Variants in PAPPA observed in about 807,000 individuals in gnomAD.
PAPPA encodes pappalysin-1.
Under a neutral mutation model 164.0 loss-of-function variants are expected in PAPPA, and 60 were observed. That is an observed-to-expected ratio of 0.37 (90% CI 0.30 to 0.45). PAPPA has a LOEUF of 0.45. Ranked by LOEUF, PAPPA falls within the 20% of genes least tolerant of loss-of-function variation. PAPPA has a pLI of 1.00. For missense variants in PAPPA, 1,782 were observed against 2,087.3 expected, an observed-to-expected ratio of 0.85 and a Z score of 2.85; for synonymous variants, 875 against 814.1, an observed-to-expected ratio of 1.07 and a Z score of -1.27.
chr9:116,352,809 C>A lies in PAPPA; in HGVS notation c.4068C>A (p.Asp1356Glu), dbSNP rs1204564270. ...CTCCACCCCCTGTGCCCAATGCAGA[C>A]CTCCAGACCGCCCGGTGCCGAGAGA... Reference protein sequence around the residue: ...CLAPPPVPNADLQTARCRENK... With the variant: ...CLAPPPVPNAELQTARCRENK... The change falls in exon 16 of 22, where the codon GAC becomes GAA. Residue 1356 changes from aspartate (D) to glutamate (E), a missense_variant. Physicochemically the swap from Asp to Glu is conservative, Grantham distance 45. This residue lies in a region of PAPPA where 1,324 missense variants were observed against 1,656.9 expected (regional missense o/e 0.80). Coordinates refer to ENST00000328252, the MANE Select transcript of PAPPA (RefSeq NM_002581.5). The A allele has an allele frequency of 1.2e-6, 2 of 1,614,006 alleles. No individual in the cohort carries two copies. The highest frequency in any genetic ancestry group is 1.7e-6 in the Non-Finnish European group (2 of 1,179,946).
At chr9:116,264,911 G>A (rs1381226790) in intron 7 of PAPPA, among the ~76,000 whole-genome samples, 4 of 152,088 alleles carry the variant, frequency 2.6e-5, no homozygotes, top group Non-Finnish European at 4.4e-5. Context: ...CAGTAGCTGT[G>A]TTCATTTGGT....
chr9:116,200,247 CA>C (rs1186474315), intron 2 of PAPPA, among the ~76,000 whole-genome samples: 2 of 152,170 alleles, frequency 1.3e-5, no homozygotes, highest in East Asian at 3.8e-4. Flanking sequence ...AATATCAAAC[CA>C]AGGTTTATTC....
intron 21 of PAPPA, among the ~76,000 whole-genome samples, chr9:116,390,317 T>C (rs1056874764): frequency 6.6e-6 from 1 of 152,066 alleles, no homozygotes; most frequent in Admixed American, 6.5e-5. Flanking sequence ...GAAAAGGGTA[T>C]CTTTGGCGAG....
intron 10 of PAPPA, among the ~76,000 whole-genome samples, chr9:116,328,273 CAA>C (rs1845945243): frequency 6.6e-6 from 1 of 152,180 alleles, no homozygotes; most frequent in Admixed American, 6.5e-5. Flanking sequence ...ATAGTTTATG[CAA>C]AGTCTTGCGC....
chr9:116,264,281 T>C (rs1455705834), intron 7 of PAPPA, among the ~76,000 whole-genome samples: 1 of 152,198 alleles, frequency 6.6e-6, no homozygotes, highest in Non-Finnish European at 1.5e-5. Flanking sequence ...AAATTAGGAT[T>C]CGAGGTTTAC....
At chr9:116,249,000 C>CAAAGGCAT (rs367799408) in intron 7 of PAPPA, among the ~76,000 whole-genome samples, 3,786 of 152,246 alleles carry the variant, frequency 0.025, 58 homozygotes, top group Middle Eastern at 0.037. Flanking sequence ...ATCCTTAAAG[C>CAAAGGCAT]AAAGGCATTG....
chr9:116,257,681 G>T (rs183184685), intron 7 of PAPPA, among the ~76,000 whole-genome samples: 1 of 151,966 alleles, frequency 6.6e-6, no homozygotes, highest in Non-Finnish European at 1.5e-5. Context: ...CAGCCTGGGC[G>T]ACAGAGCGAG....
intron 7 of PAPPA, among the ~76,000 whole-genome samples, chr9:116,247,338 T>G (rs941608425): frequency 1.3e-5 from 2 of 152,324 alleles, no homozygotes; most frequent in East Asian, 3.9e-4. Flanking sequence ...TTCCTTTTAA[T>G]TGTGAGGCTC....
chr9:116,308,319 G>A (rs7046882), intron 10 of PAPPA, among the ~76,000 whole-genome samples: 14,660 of 152,242 alleles, frequency 0.096, 764 homozygotes, highest in South Asian at 0.15. Context: ...TCAGCCAGTA[G>A]TGATGAGAGC....
intron 7 of PAPPA, among the ~76,000 whole-genome samples, chr9:116,236,500 T>A (rs1844669334): frequency 6.6e-6 from 1 of 150,724 alleles, no homozygotes; most frequent in South Asian, 2.1e-4. Flanking sequence ...GGCAGGAGAA[T>A]CTCTTGAATC....
chr9:116,317,624 G>C (rs2118920332), intron 10 of PAPPA, among the ~76,000 whole-genome samples: 1 of 152,314 alleles, frequency 6.6e-6, no homozygotes, highest in South Asian at 2.1e-4. Context: ...CCCTGTTTTA[G>C]GATTATGGTG....
At chr9:116,369,225 T>A (rs1846540932) in intron 19 of PAPPA, among the ~76,000 whole-genome samples, 2 of 152,132 alleles carry the variant, frequency 1.3e-5, no homozygotes, top group South Asian at 4.1e-4. Flanking sequence ...AGCTCTTTCA[T>A]CTGTTTCCTC....
chr9:116,310,847 T>C (rs1365516385), intron 10 of PAPPA, among the ~76,000 whole-genome samples: 1 of 152,156 alleles, frequency 6.6e-6, no homozygotes, highest in African/African-American at 2.4e-5. Flanking sequence ...TTTAAGCAAG[T>C]CAGTTCTCTT....
At position 116,154,694 on chromosome 9, in the gene PAPPA, G is replaced by C; in HGVS notation, c.415+107G>C. On this transcript the variant is annotated intron_variant, in intron 1 of 21. Coordinates refer to ENST00000328252, the MANE Select transcript of PAPPA (RefSeq NM_002581.5). This position sits in a 1 kb window ranked among gnomAD's most constrained non-coding sequence, Gnocchi z 5.2. ...GGGTCGGGGGCTTGCGGGCGTGTCTGTGCGAGAGCTGCCCCGCGAGCGGCG... is the reference window on the plus strand; with the variant it reads ...GGGTCGGGGGCTTGCGGGCGTGTCTCTGCGAGAGCTGCCCCGCGAGCGGCG... 1 of 1,202,788 alleles carries C rather than the reference G, an allele frequency of 8.3e-7. No individual in the cohort carries two copies. Among genetic ancestry groups the C allele is most frequent in the Admixed American group, 4.3e-5 (1 of 23,336 alleles). 74.5% of individuals were successfully genotyped at this position (1,202,788 alleles called of 1,614,324 possible).
intron 14 of PAPPA, 93 bp from the exon 15 acceptor site, chr9:116,346,933 G>A (rs1382816708): frequency 1.7e-5 from 18 of 1,028,978 alleles, no homozygotes; most frequent in Middle Eastern, 2.1e-4. Context: ...GTGCCTGGGC[G>A]AGACTCTGAG....
chr9:116,179,712 G>A (rs943165606), intron 1 of PAPPA, among the ~76,000 whole-genome samples: 1 of 152,138 alleles, frequency 6.6e-6, no homozygotes, highest in African/African-American at 2.4e-5. Context: ...CCCCCCGACT[G>A]AACCAAGTGC....
At chr9:116,331,103 C>T (rs1021704483) in intron 10 of PAPPA, 141 bp from the exon 11 acceptor site, 2 of 607,084 alleles carry the variant, frequency 3.3e-6, no homozygotes, top group South Asian at 4.1e-5. Context: ...GCTCCTGGAC[C>T]AGATTCTGGT....
chr9:116,175,785 T>G (rs192382567), intron 1 of PAPPA, among the ~76,000 whole-genome samples: 3 of 152,058 alleles, frequency 2.0e-5, no homozygotes, highest in Non-Finnish European at 2.9e-5. Flanking sequence ...TACAGTCGAG[T>G]GGGGGAGAGT....
chr9:116,396,922 C>T lies in PAPPA; in HGVS notation c.*306C>T. ...ACACAACCACAGCAAGAAACGTGTT[C>T]TATATCTAGAGTGTGCCCATCTGTG... On this transcript the variant is annotated 3_prime_UTR_variant, in exon 22 of 22. Transcript: ENST00000328252. 2.5e-6 allele frequency: 1 copy of T among 403,330 alleles called. No individual in the cohort carries two copies. The allele number at this position is 403,330 out of a possible 1,614,324, so 25.0% of individuals were successfully genotyped here.
Sources: allele counts gnomAD v4.1 joint callset (sites outside exome capture counted in the v4.1 genomes callset), GRCh38; gene constraint gnomAD v4.1.1; regional missense constraint gnomAD v4.1.1; non-coding constraint Gnocchi (gnomAD v3.1); transcripts MANE v1.5; gene names NCBI Gene and HGNC (gene_info 2026-07-23, HGNC 2026-07-21).